ATL2: variants seen among roughly 807,000 people sequenced by gnomAD.
ATL2 encodes the protein atlastin-2.
Under a neutral mutation model 73.9 loss-of-function variants are expected in ATL2, and 31 were observed. The ratio of observed to expected loss-of-function variants is 0.42; its 90% CI spans 0.32 to 0.57. The LOEUF (loss-of-function observed/expected upper bound fraction) is 0.57. Among genes scored for constraint, ATL2 ranks in the 20% least tolerant of loss-of-function variants. ATL2 has a pLI of 0.14. For synonymous variants in ATL2, 291 were observed against 237.5 expected (o/e 1.23, Z -2.07); for missense variants, 738 against 702.6 (o/e 1.05, Z -0.57).
intron 1 of ATL2, among the ~76,000 whole-genome samples, chr2:38,347,841 A>T (rs1573543323): frequency 7.0e-6 from 1 of 143,124 alleles, no homozygotes; most frequent in East Asian, 2.0e-4. Flanking sequence ...ATCTCGACTC[A>T]CTGCAACCTC....
intron 2 of ATL2, among the ~76,000 whole-genome samples, chr2:38,322,038 A>T (rs757937273): frequency 2.6e-5 from 4 of 152,210 alleles, no homozygotes; most frequent in Admixed American, 6.5e-5. Flanking sequence ...ACCATTTATA[A>T]GGAGTTACCT....
chr2:38,322,243 G>C (rs6544158), intron 2 of ATL2, among the ~76,000 whole-genome samples: 14,358 of 151,696 alleles, frequency 0.095, 2,263 homozygotes, highest in African/African-American at 0.33. Context: ...AAAGTTACAG[G>C]CTACACAAAT....
intron 7 of ATL2, among the ~76,000 whole-genome samples, chr2:38,311,426 C>T (rs890077733): frequency 1.3e-4 from 13 of 101,990 alleles, no homozygotes; most frequent in East Asian, 2.2e-4. Flanking sequence ...ACAAAATATG[C>T]GCTATTTATA....
chr2:38,309,890 G>T lies in ATL2; in HGVS notation c.944-384C>A, dbSNP rs191450213. On this transcript the variant is annotated intron_variant, in intron 8 of 12. Transcript: ENST00000378954. ...ATGTTTTACCAGCCATACTGTAAAA[G>T]TTTTGTCAATCCCCAAATGTTTTGC... Among the ~76,000 whole-genome samples, 429 of 152,156 alleles carry T rather than the reference G, an allele frequency of 2.8e-3. 2 individuals are homozygous for T. Among genetic ancestry groups the T allele is most frequent in the Admixed American group, 7.1e-3 (109 of 15,270 alleles).
At chr2:38,309,253 A>G (rs533104388) in intron 9 of ATL2, 126 bp downstream of exon 9, 66 of 941,598 alleles carry the variant, frequency 7.0e-5, no homozygotes, top group Admixed American at 2.6e-4. Flanking sequence ...TCAAGGCAGA[A>G]AGATAAATCA....
At chr2:38,328,372 A>C (rs1298306278) in intron 2 of ATL2, among the ~76,000 whole-genome samples, 2 of 152,176 alleles carry the variant, frequency 1.3e-5, no homozygotes, top group Non-Finnish European at 2.9e-5. Flanking sequence ...AGCACAATAC[A>C]TACTCTTCTC....
intron 1 of ATL2, among the ~76,000 whole-genome samples, chr2:38,375,700 G>T (rs928382960): frequency 6.6e-6 from 1 of 152,192 alleles, no homozygotes; most frequent in African/African-American, 2.4e-5. Context: ...AACCAAAAGA[G>T]CGAAATTAAT....
intron 2 of ATL2, among the ~76,000 whole-genome samples, chr2:38,325,684 ACACACACAC>A (rs1668585621): frequency 2.6e-5 from 2 of 76,112 alleles, no homozygotes; most frequent in African/African-American, 1.2e-4. Context: ...ACACACACAC[ACACACACAC>A]ACCAGTACAC....
At chr2:38,326,542 A>C (rs1243759157) in intron 2 of ATL2, among the ~76,000 whole-genome samples, 1 of 152,260 alleles carries the variant, frequency 6.6e-6, no homozygotes, top group African/African-American at 2.4e-5. Context: ...CAGAACACCA[A>C]GCAGGATAAA....
intron 7 of ATL2, among the ~76,000 whole-genome samples, chr2:38,312,798 GT>G (rs1336060162): frequency 1.3e-5 from 2 of 151,432 alleles, no homozygotes; most frequent in Non-Finnish European, 2.9e-5. Context: ...CATGCTTCCT[GT>G]TAAGCCTGTG....
intron 9 of ATL2, among the ~76,000 whole-genome samples, chr2:38,305,914 T>C (rs973959361): frequency 3.3e-5 from 5 of 151,518 alleles, no homozygotes; most frequent in African/African-American, 1.2e-4. Flanking sequence ...TAGAAGAAGT[T>C]AGCGAAATTG....
At chr2:38,299,772 T>A (rs1284152882) in intron 10 of ATL2, among the ~76,000 whole-genome samples, 2 of 152,056 alleles carry the variant, frequency 1.3e-5, no homozygotes, top group African/African-American at 4.8e-5. Context: ...AATGGAAAAA[T>A]AGCCTAAAGT....
At chr2:38,324,508 C>T (rs751073822) in intron 2 of ATL2, among the ~76,000 whole-genome samples, 1 of 152,206 alleles carries the variant, frequency 6.6e-6, no homozygotes, top group Non-Finnish European at 1.5e-5. Flanking sequence ...GAATACTCTG[C>T]AAGTCCTGGA....
rs34275602 is a variant in ATL2, at chr2:38,325,185, G to A, written c.364-6166C>T. On this transcript the variant is annotated intron_variant, in intron 2 of 12. Coordinates refer to ENST00000378954, the MANE Select transcript of ATL2 (RefSeq NM_001135673.4). ...CAGTGTCAGCTTTCTCATGTAAAAAGTTTAGAAGTCATCAGACCTATCTTT... is the reference window on the plus strand; with the variant it reads ...CAGTGTCAGCTTTCTCATGTAAAAAATTTAGAAGTCATCAGACCTATCTTT... Among the ~76,000 whole-genome samples, 601 of 152,276 alleles carry A rather than the reference G, an allele frequency of 3.9e-3. 2 individuals are homozygous for A. Among genetic ancestry groups the A allele is most frequent in the Middle Eastern group, 0.031 (9 of 294 alleles).
intron 7 of ATL2, among the ~76,000 whole-genome samples, chr2:38,310,865 A>G (rs4670862): frequency 0.44 from 67,228 of 151,622 alleles, 16,117 homozygotes; most frequent in African/African-American, 0.64. Context: ...AACCTCAGGT[A>G]ATCCACCCGC....
At chr2:38,325,625 CAT>C (rs1300656180) in intron 2 of ATL2, among the ~76,000 whole-genome samples, 1,010 of 66,840 alleles carry the variant, frequency 0.015, 74 homozygotes, top group African/African-American at 0.074. Context: ...CACACCAGTA[CAT>C]ACACACACAC....
intron 1 of ATL2, among the ~76,000 whole-genome samples, 167 bp downstream of exon 1, chr2:38,376,976 C>T (rs1025140391): frequency 4.0e-5 from 6 of 151,216 alleles, no homozygotes; most frequent in African/African-American, 1.2e-4. Flanking sequence ...GCTGCGGGAG[C>T]GCGGGGCGCG....
intron 10 of ATL2, among the ~76,000 whole-genome samples, chr2:38,299,725 G>A (rs1162603868): frequency 5.3e-5 from 8 of 152,252 alleles, no homozygotes; most frequent in African/African-American, 1.4e-4. Context: ...CTTACTGCAC[G>A]AAGTTTTATC....
chr2:38,315,439 C>A, intron 4 of ATL2, 105 bp from the exon 5 acceptor site: 1 of 1,159,236 alleles, frequency 8.6e-7, no homozygotes, highest in Non-Finnish European at 1.2e-6. Flanking sequence ...TATCTCAGCG[C>A]AAAGGAATCA....
Sources: gnomAD v4.1 joint callset for allele counts (sites outside exome capture counted in the v4.1 genomes callset) on GRCh38, gnomAD v4.1.1 for gene constraint, MANE v1.5 for transcripts, NCBI Gene and HGNC (gene_info 2026-07-23, HGNC 2026-07-21) for gene names.